Variants in TTYH1 observed in about 807,000 individuals in gnomAD.
The protein encoded by TTYH1 is protein tweety homolog 1.
In TTYH1, 33 loss-of-function variants were observed where a neutral mutation model predicts 61.2. The observed-to-expected ratio is 0.54, with a 90% CI of 0.41 to 0.72. TTYH1 has a LOEUF of 0.72. Among genes scored for constraint, TTYH1 ranks in the 30% least tolerant of loss-of-function variants. The probability of loss-of-function intolerance (pLI) is 0.00; values close to 1 mark genes in which losing one functional copy is unlikely to be tolerated. For missense variants in TTYH1, 538 were observed against 575.8 expected (o/e 0.93, Z 0.67); for synonymous variants, 308 against 266.4 (o/e 1.16, Z -1.52).
intron 4 of TTYH1, among the ~76,000 whole-genome samples, chr19:54,423,237 G>A (rs1313254787): frequency 9.2e-5 from 13 of 140,874 alleles, no homozygotes; most frequent in African/African-American, 3.6e-4. Flanking sequence ...TCACTCTGTC[G>A]CCCAGGCTAG....
intron 5 of TTYH1, 97 bp downstream of exon 5, chr19:54,426,865 C>A (rs1599902368): frequency 1.8e-6 from 2 of 1,102,528 alleles, no homozygotes; most frequent in South Asian, 1.4e-5. Flanking sequence ...GGACCGTGGT[C>A]CTTCACGGCC....
In TTYH1 at chr19:54,429,355, G is replaced by A. The variant is rs890052629; in HGVS notation, c.783G>A (p.Met261Ile). The A allele has an allele frequency of 3.1e-6, 5 of 1,613,942 alleles. No homozygotes were observed. The African/African-American group carries it at 5.3e-5, about 17-fold the overall frequency. Residue 261 changes from methionine to isoleucine, a missense_variant, in exon 6 of 14, where the codon ATG becomes ATA. This residue lies in a region of TTYH1 where 378 missense variants were observed against 401.2 expected (regional missense o/e 0.94). Transcript: ENST00000376530. This position sits in a 1 kb window ranked among gnomAD's most constrained non-coding sequence, Gnocchi z 5.1. ...LLVLVLSWGS[M>I]GLEAATAVGL... ...TTCTCGTCCTGAGCTGGGGCTCCAT[G>A]GGCCTGGAGGCAGCCACGGCCGTGG...
In TTYH1 at chr19:54,429,952, G is replaced by A; in HGVS notation, c.878G>A (p.Ser293Asn). ...CTGACCCAGGAGGAGACAGGGCTCAGCTCAGGTGATTTCCAAGGGCCCGGT... is the reference window on the plus strand; with the variant it reads ...CTGACCCAGGAGGAGACAGGGCTCAACTCAGGTGATTTCCAAGGGCCCGGT... ...LNLTQEETGL[S>N]SDILSYYLLC... The change falls in exon 7 of 14, where the codon AGC (serine) becomes AAC (asparagine). Residue 293 changes from serine to asparagine, a missense_variant. Ser to Asn is a conservative substitution (Grantham distance 46). This residue lies in a region of TTYH1 where 378 missense variants were observed against 401.2 expected (regional missense o/e 0.94). Transcript: ENST00000376530. This position sits in a 1 kb window ranked among gnomAD's most constrained non-coding sequence, Gnocchi z 5.1. 6.2e-7 allele frequency: 1 copy of A among 1,613,860 alleles called. No individual in the cohort carries two copies. Among genetic ancestry groups the A allele is most frequent in the Non-Finnish European group, 8.5e-7 (1 of 1,179,822 alleles).
intron 10 of TTYH1, chr19:54,432,977 A>T (rs879876603): frequency 3.9e-5 from 6 of 152,146 alleles, no homozygotes; most frequent in Non-Finnish European, 7.3e-5. Flanking sequence ...GGGAGTAAGC[A>T]CTGAAGCCAT....
At chr19:54,417,503 C>T (rs2083111593) in intron 1 of TTYH1, among the ~76,000 whole-genome samples, 1 of 152,022 alleles carries the variant, frequency 6.6e-6, no homozygotes, top group Non-Finnish European at 1.5e-5. Context: ...CATACACTCA[C>T]ATGGATATAC....
At position 54,418,687 on chromosome 19, in the gene TTYH1, A is replaced by T. The variant is rs532026185; in HGVS notation, c.127-441A>T. On this transcript the variant is annotated intron_variant, in intron 1 of 13. Transcript: ENST00000376530. ...GAGGGGGAGGAAGCACGCCTCCCCCAGCCTGGCCCGAGGCACCAGGAACAG... is the reference window on the plus strand; with the variant it reads ...GAGGGGGAGGAAGCACGCCTCCCCCTGCCTGGCCCGAGGCACCAGGAACAG... 168 of 160,448 alleles carry T rather than the reference A, an allele frequency of 1.0e-3. 1 individual carries two copies. Among genetic ancestry groups the T allele is most frequent in the African/African-American group, 3.7e-3 (155 of 41,836 alleles). 9.9% of individuals were successfully genotyped at this position (160,448 alleles called of 1,614,324 possible).
rs2083215913 is a variant in TTYH1 at position 54,421,436 on chromosome 19, C to T, written c.417+48C>T. 1 of 1,265,010 alleles carries T rather than the reference C, an allele frequency of 7.9e-7. No homozygotes were observed. The highest frequency in any genetic ancestry group is 1.2e-5 in the South Asian group (1 of 84,406). 78.4% of individuals were successfully genotyped at this position (1,265,010 alleles called of 1,614,324 possible). ...GACCCCAGACCCACACCTGGACGGG[C>T]TCCCCACACCCAAGGACAAAGGGAT... On this transcript the variant is annotated intron_variant, in intron 3 of 13. Transcript: ENST00000376530. The surrounding 1 kb of genome is among the most constrained non-coding windows in gnomAD (Gnocchi z 4.8).
At chr19:54,433,901 C>T (rs986781120) in intron 10 of TTYH1, among the ~76,000 whole-genome samples, 3 of 152,006 alleles carry the variant, frequency 2.0e-5, no homozygotes, top group Non-Finnish European at 4.4e-5. Context: ...GTGAGAGGGT[C>T]AGTGTCTGCC....
rs192684893 is a variant in TTYH1 at position 54,425,863 on chromosome 19, G to A, written c.639-810G>A. ...CCCAAGTAGCTGGGATTACAGGCGT[G>A]CACCACCACGCCCGGCTAATTGTTG... On this transcript the variant is annotated intron_variant, in intron 4 of 13. Transcript: ENST00000376530. 5.3e-5 allele frequency among the ~76,000 whole-genome samples: 8 copies of A among 152,212 alleles called. No individual in the cohort carries two copies. In the East Asian group the frequency reaches 1.5e-3, roughly 29 times the overall value.
intron 4 of TTYH1, among the ~76,000 whole-genome samples, chr19:54,425,408 T>C (rs1441091157): frequency 6.6e-6 from 1 of 152,220 alleles, no homozygotes. Context: ...CTGGAATGCC[T>C]GGGTTTCTAT....
At chr19:54,426,363 G>T in intron 4 of TTYH1, 1 of 394,028 alleles carries the variant, frequency 2.5e-6, no homozygotes, top group Non-Finnish European at 4.6e-6. Context: ...GGTTGGGGAT[G>T]GGGAGCTCGG....
intron 9 of TTYH1, 57 bp downstream of exon 9, chr19:54,430,962 G>A: frequency 6.3e-7 from 1 of 1,585,912 alleles, no homozygotes; most frequent in South Asian, 1.1e-5. Flanking sequence ...CGGACGGGGC[G>A]GGATGGAGCT....
At chr19:54,426,208 CCGAGA>C (rs1214329165) in intron 4 of TTYH1, among the ~76,000 whole-genome samples, 1 of 152,192 alleles carries the variant, frequency 6.6e-6, no homozygotes, top group Non-Finnish European at 1.5e-5. Context: ...GCTAAGGTTA[CCGAGA>C]CAAGAGTTAC....
rs1395482512 is a variant in TTYH1, at chr19:54,419,557, G to A, written c.305+251G>A. The A allele has an allele frequency of 1.4e-6, 1 of 691,050 alleles. No homozygotes were observed. Among genetic ancestry groups the A allele is most frequent in the Non-Finnish European group, 2.6e-6 (1 of 378,824 alleles). 42.8% of individuals were successfully genotyped at this position (691,050 alleles called of 1,614,324 possible). A position where few individuals can be genotyped will look rare whatever the true frequency, so the allele number is the denominator to read the frequency against. The stretch of plus-strand genomic sequence containing the variant: ...GCAGCCATCTGGTGAGAAGGCGCAG[G>A]GGCAGTCAGATGGCCTGGTTTTGGT... On this transcript the variant is annotated intron_variant, in intron 2 of 13. Transcript: ENST00000376530. This position sits in a 1 kb window ranked among gnomAD's most constrained non-coding sequence, Gnocchi z 6.1.
chr19:54,424,945 G>A (rs556794173), intron 4 of TTYH1, among the ~76,000 whole-genome samples: 11 of 152,240 alleles, frequency 7.2e-5, no homozygotes, highest in African/African-American at 2.6e-4. Flanking sequence ...ACTTCCAAGA[G>A]GGCAGCAAGC....
In TTYH1 at chr19:54,429,857, G is replaced by A; in HGVS notation, c.808-25G>A. 1.2e-6 allele frequency: 2 copies of A among 1,611,292 alleles called. No homozygotes were observed. Among genetic ancestry groups the A allele is most frequent in the African/African-American group, 1.3e-5 (1 of 74,950 alleles). Reference sequence around the variant, plus strand: ...GGAATCGGGGCAGTTTTGGGTTTGAGCCCCTTTTCTGCTGCCTCACGCAGG... The same window carrying A: ...GGAATCGGGGCAGTTTTGGGTTTGAACCCCTTTTCTGCTGCCTCACGCAGG... On this transcript the variant is annotated intron_variant, in intron 6 of 13. Coordinates refer to ENST00000376530, the MANE Select transcript of TTYH1 (RefSeq NM_020659.4). This position sits in a 1 kb window ranked among gnomAD's most constrained non-coding sequence, Gnocchi z 5.1.
chr19:54,435,554 G>T lies in TTYH1; in HGVS notation c.1138G>T (p.Ala380Ser). 1 of 1,603,540 alleles carries T rather than the reference G, an allele frequency of 6.2e-7. No homozygotes were observed. ...GCCCTCCCCTCAGGACTATGGTGCA[G>T]CCCTGCGGGGCCTGTGCGAAGACGC... ...CRSLHKDYGA[A>S]LRGLCEDALE... The change falls in exon 11 of 14, where the codon GCC becomes TCC. Residue 380 changes from alanine to serine, a missense_variant. Physicochemically the swap from Ala to Ser is moderately conservative, Grantham distance 99. Transcript: ENST00000376530.
Position 54,436,432 on chromosome 19 carries a change from C to T in TTYH1, c.*142C>T, listed in dbSNP as rs1382867049. 6.3e-7 allele frequency: 1 copy of T among 1,582,408 alleles called. No individual in the cohort carries two copies. On this transcript the variant is annotated 3_prime_UTR_variant, in exon 14 of 14. Transcript: ENST00000376530. The surrounding 1 kb of genome is among the most constrained non-coding windows in gnomAD (Gnocchi z 4.3). ...TGGACAGCCTGCACAGGACCGCCTC[C>T]CTGCTCTTGGCCACTGTGCTCCCAT... is the stretch of plus-strand genomic sequence containing the variant.
Position 54,415,469 on chromosome 19 carries a change from G to A in TTYH1, c.-84G>A, listed in dbSNP as rs1466223919. On this transcript the variant is annotated 5_prime_UTR_variant, in exon 1 of 14. Transcript: ENST00000376530. The surrounding 1 kb of genome is among the most constrained non-coding windows in gnomAD (Gnocchi z 5.2). ...GCTCCCGCTCCCCTGAGCCCAGCCA[G>A]ACCCCGCGCCGCCCGCGCCCCGCTC... 78 of 1,052,300 alleles carry A rather than the reference G, an allele frequency of 7.4e-5. No homozygotes were observed. The highest frequency in any genetic ancestry group is 8.7e-5 in the Non-Finnish European group (75 of 866,706). The allele number at this position is 1,052,300 out of a possible 1,614,324, so 65.2% of individuals were successfully genotyped here. A position where few individuals can be genotyped will look rare whatever the true frequency, so the allele number is the denominator to read the frequency against.
Sources: allele counts gnomAD v4.1 joint callset (sites outside exome capture counted in the v4.1 genomes callset), GRCh38; gene constraint gnomAD v4.1.1; regional missense constraint gnomAD v4.1.1; non-coding constraint Gnocchi (gnomAD v3.1); transcripts MANE v1.5; gene names NCBI Gene and HGNC (gene_info 2026-07-23, HGNC 2026-07-21).